TBC1D4: variants seen among roughly 807,000 people sequenced by gnomAD.
TBC1D4 encodes TBC (Tre-2, BUB2, CDC16) domain-containing protein.
Under a neutral mutation model 142.5 loss-of-function variants are expected in TBC1D4, and 121 were observed. The observed-to-expected ratio is 0.85, with a 90% CI of 0.73 to 0.99. TBC1D4 has a LOEUF of 0.99. Among genes scored for constraint, TBC1D4 ranks in the 50% least tolerant of loss-of-function variants. TBC1D4 has a pLI of 0.00. For missense variants in TBC1D4, 1,475 were observed against 1,606.6 expected (o/e 0.92, Z 1.40); for synonymous variants, 630 against 628.2 (o/e 1.00, Z -0.04).
chr13:75,434,247 T>G lies in TBC1D4; in HGVS notation c.498+47023A>C, dbSNP rs1258751307. Among the ~76,000 whole-genome samples the G allele has an allele frequency of 2.0e-5, 3 of 152,098 alleles. No homozygotes were observed. In the East Asian group the frequency reaches 5.8e-4, roughly 29 times the overall value. ...CACACTATTCACAATAGCAAAGACATGGAATCAACTTAAATGCCCATCAAT... is the reference window on the plus strand; with the variant it reads ...CACACTATTCACAATAGCAAAGACAGGGAATCAACTTAAATGCCCATCAAT... On this transcript the variant is annotated intron_variant, in intron 1 of 20. Transcript: ENST00000377636.
At chr13:75,431,705 T>A (rs1886598227) in intron 1 of TBC1D4, among the ~76,000 whole-genome samples, 1 of 152,224 alleles carries the variant, frequency 6.6e-6, no homozygotes, top group Non-Finnish European at 1.5e-5. Flanking sequence ...ACTATTTGCA[T>A]GGAATTCAAA....
chr13:75,471,794 T>C (rs188619260), intron 1 of TBC1D4, among the ~76,000 whole-genome samples: 1 of 150,850 alleles, frequency 6.6e-6, no homozygotes, highest in Admixed American at 6.6e-5. Context: ...CCTGCCTACC[T>C]GCCTCAAATT....
rs1874549543 is a variant in TBC1D4 at position 75,285,073 on chromosome 13, C to A, written c.*1719G>T. On this transcript the variant is annotated 3_prime_UTR_variant, in exon 21 of 21. Transcript: ENST00000377636. ...TCCAAGCAACAAATCAATTAGTAGC[C>A]CCCAATTGAATGGGGCAGACAGAAT... 1 of 152,076 alleles carries A rather than the reference C, an allele frequency of 6.6e-6. No individual in the cohort carries two copies. Among genetic ancestry groups the A allele is most frequent in the African/African-American group, 2.4e-5 (1 of 41,418 alleles). The allele number at this position is 152,076 out of a possible 1,614,324, so 9.4% of individuals were successfully genotyped here.
chr13:75,436,838 C>T (rs1487820377), intron 1 of TBC1D4, among the ~76,000 whole-genome samples: 1 of 122,916 alleles, frequency 8.1e-6, no homozygotes, highest in South Asian at 3.0e-4. Flanking sequence ...ACTTGGAAGA[C>T]ACCATCTTAA....
chr13:75,286,238 T>C lies in TBC1D4; in HGVS notation c.*554A>G, dbSNP rs1282842127. On this transcript the variant is annotated 3_prime_UTR_variant, in exon 21 of 21. Coordinates refer to ENST00000377636, the MANE Select transcript of TBC1D4 (RefSeq NM_014832.5). ...AAACTCACAGGAGCATGACCAGTAA[T>C]CATTTTCCTCATATAGACAATGTCA... The C allele has an allele frequency of 6.5e-6, 1 of 153,620 alleles. No individual in the cohort carries two copies. Among genetic ancestry groups the C allele is most frequent in the Non-Finnish European group, 1.5e-5 (1 of 68,794 alleles). The allele number at this position is 153,620 out of a possible 1,614,324, so 9.5% of individuals were successfully genotyped here.
intron 17 of TBC1D4, among the ~76,000 whole-genome samples, chr13:75,295,950 C>T (rs887120273): frequency 2.6e-5 from 4 of 152,080 alleles, no homozygotes; most frequent in African/African-American, 9.7e-5. Context: ...TCTTAAATAG[C>T]TCTATGACAA....
In TBC1D4 at chr13:75,309,992, T is replaced by C; in HGVS notation, c.2543A>G (p.His848Arg). Residue 848 changes from histidine to arginine, a missense_variant, in exon 14 of 21, where the codon CAC becomes CGC. His to Arg is a conservative substitution (Grantham distance 29, BLOSUM62 0). Coordinates refer to ENST00000377636, the MANE Select transcript of TBC1D4 (RefSeq NM_014832.5). ...ELRSLWRKAI[H>R]QQILLLRMEK... ...CATTCGAAGTAACAAGATTTGTTGG[T>C]GTATAGCTTTTCTCCACAAGCTCCT... is the stretch of plus-strand genomic sequence containing the variant. The C allele has an allele frequency of 6.2e-7, 1 of 1,614,186 alleles. No homozygotes were observed. The highest frequency in any genetic ancestry group is 8.5e-7 in the Non-Finnish European group (1 of 1,180,004).
intron 1 of TBC1D4, among the ~76,000 whole-genome samples, chr13:75,470,973 G>A (rs1286177530): frequency 2.7e-5 from 4 of 148,540 alleles, no homozygotes; most frequent in Non-Finnish European, 5.9e-5. Flanking sequence ...GTGACAAAGT[G>A]AGCCCCTGTA....
chr13:75,310,195 C>G (rs1877611224), intron 13 of TBC1D4, 44 bp from the exon 14 acceptor site: 1 of 1,571,732 alleles, frequency 6.4e-7, no homozygotes, highest in African/African-American at 1.3e-5. Flanking sequence ...AGCAGTAACC[C>G]AGACTACCCA....
At chr13:75,416,540 A>G (rs181179841) in intron 1 of TBC1D4, among the ~76,000 whole-genome samples, 50 of 152,274 alleles carry the variant, frequency 3.3e-4, no homozygotes, top group African/African-American at 1.1e-3. Flanking sequence ...GCAGGAAAAG[A>G]CAAAGACGAC....
At chr13:75,304,109 C>T (rs921632505) in intron 15 of TBC1D4, among the ~76,000 whole-genome samples, 2 of 152,188 alleles carry the variant, frequency 1.3e-5, no homozygotes, top group African/African-American at 4.8e-5. Context: ...ATATTTTCAT[C>T]TCTGTATGAT....
rs531528482 is a variant in TBC1D4, at chr13:75,362,631, G to A, written c.499-24C>T. ...ACCTGGGGGAAAAAATTAAAACCCTGATTCTAGTTGAAAGTTTTGAGACAA... is the reference window on the plus strand; with the variant it reads ...ACCTGGGGGAAAAAATTAAAACCCTAATTCTAGTTGAAAGTTTTGAGACAA... On this transcript the variant is annotated intron_variant, in intron 1 of 20. Coordinates refer to ENST00000377636, the MANE Select transcript of TBC1D4 (RefSeq NM_014832.5). This position sits in a 1 kb window ranked among gnomAD's most constrained non-coding sequence, Gnocchi z 4.2. 4 of 1,612,070 alleles carry A rather than the reference G, an allele frequency of 2.5e-6. No homozygotes were observed. The African/African-American group carries it at 5.3e-5, about 22-fold the overall frequency.
chr13:75,301,075 C>G (rs556059941), intron 16 of TBC1D4, among the ~76,000 whole-genome samples: 116 of 152,204 alleles, frequency 7.6e-4, no homozygotes, highest in African/African-American at 2.6e-3. Flanking sequence ...TAGGGTTTGG[C>G]TAGTGATTTT....
intron 1 of TBC1D4, among the ~76,000 whole-genome samples, chr13:75,372,740 C>T (rs1363836411): frequency 6.6e-6 from 1 of 152,166 alleles, no homozygotes; most frequent in East Asian, 1.9e-4. Flanking sequence ...ATTATTACTA[C>T]TGCTCTCATC....
intron 9 of TBC1D4, among the ~76,000 whole-genome samples, chr13:75,326,781 C>T (rs986231181): frequency 6.6e-6 from 1 of 152,170 alleles, no homozygotes; most frequent in Non-Finnish European, 1.5e-5. Flanking sequence ...ACTTCTCTCA[C>T]TGTTGCCAGA....
chr13:75,372,867 A>G (rs1233249278), intron 1 of TBC1D4, among the ~76,000 whole-genome samples: 2 of 152,236 alleles, frequency 1.3e-5, no homozygotes, highest in Admixed American at 6.5e-5. Flanking sequence ...CAGCAAAATC[A>G]GGACTTGATG....
At chr13:75,464,672 T>C (rs1888099165) in intron 1 of TBC1D4, among the ~76,000 whole-genome samples, 1 of 152,204 alleles carries the variant, frequency 6.6e-6, no homozygotes, top group African/African-American at 2.4e-5. Context: ...CGGGCTGGTC[T>C]CGGCACCTGG....
At chr13:75,349,626 T>A (rs1003334781) in intron 4 of TBC1D4, among the ~76,000 whole-genome samples, 1 of 152,246 alleles carries the variant, frequency 6.6e-6, no homozygotes, top group African/African-American at 2.4e-5. Context: ...TTTAATTATA[T>A]GCTTTATCAG....
chr13:75,455,390 A>C (rs900869660), intron 1 of TBC1D4, among the ~76,000 whole-genome samples: 2 of 152,182 alleles, frequency 1.3e-5, no homozygotes, highest in Non-Finnish European at 2.9e-5. Context: ...ATGTAATTAA[A>C]TATATGTAAG....
Sources: allele counts gnomAD v4.1 joint callset (sites outside exome capture counted in the v4.1 genomes callset), GRCh38; gene constraint gnomAD v4.1.1; non-coding constraint Gnocchi (gnomAD v3.1); transcripts MANE v1.5; gene names NCBI Gene and HGNC (gene_info 2026-07-23, HGNC 2026-07-21).